The following NUMB variants were observed in gnomAD, a reference collection of about 807,000 sequenced individuals.
NUMB encodes the protein protein numb homolog.
A neutral mutation model predicts 59.7 loss-of-function variants in NUMB; 29 were observed. The ratio of observed to expected loss-of-function variants is 0.49; its 90% CI spans 0.36 to 0.66. NUMB has a LOEUF of 0.66. NUMB is among the 30% of genes least tolerant of loss of function. The probability of loss-of-function intolerance (pLI) is 0.00; values close to 1 mark genes in which losing one functional copy is unlikely to be tolerated. For synonymous variants in NUMB, 288 were observed against 288.2 expected (o/e 1.00, Z 0.01); for missense variants, 723 against 822.0 (o/e 0.88, Z 1.47).
intron 12 of NUMB, among the ~76,000 whole-genome samples, chr14:73,278,788 C>T (rs73306848): frequency 0.26 from 35,635 of 136,714 alleles, 5,188 homozygotes; most frequent in East Asian, 0.69. Flanking sequence ...AGTGCAGTGG[C>T]GCAATCTTGG....
intron 7 of NUMB, among the ~76,000 whole-genome samples, chr14:73,293,204 GGGTTT>G (rs1889512169): frequency 6.6e-6 from 1 of 151,844 alleles, no homozygotes; most frequent in Admixed American, 6.6e-5. Flanking sequence ...AAAATCCTTT[GGGTTT>G]ATTCCCAAAT....
intron 2 of NUMB, among the ~76,000 whole-genome samples, chr14:73,402,573 C>T (rs8008825): frequency 0.058 from 8,879 of 152,270 alleles, 720 homozygotes; most frequent in African/African-American, 0.19. Flanking sequence ...CCAATGTCCA[C>T]ATACCAAACA....
intron 2 of NUMB, among the ~76,000 whole-genome samples, chr14:73,367,322 C>CACACACACATATACAT (rs1555375266): frequency 8.7e-5 from 8 of 92,350 alleles, no homozygotes; most frequent in African/African-American, 3.8e-4. Flanking sequence ...CACACACACA[C>CACACACACATATACAT]ATATATACAT....
At chr14:73,306,763 T>C (rs1890458328) in intron 6 of NUMB, among the ~76,000 whole-genome samples, 1 of 152,250 alleles carries the variant, frequency 6.6e-6, no homozygotes, top group African/African-American at 2.4e-5. Flanking sequence ...TTGGTAACCA[T>C]GTCTTTACCT....
At chr14:73,304,172 C>T (rs1890296113) in intron 6 of NUMB, among the ~76,000 whole-genome samples, 1 of 152,186 alleles carries the variant, frequency 6.6e-6, no homozygotes, top group Non-Finnish European at 1.5e-5. Flanking sequence ...GAAATAGTAA[C>T]AAGCTCAGCA....
intron 4 of NUMB, among the ~76,000 whole-genome samples, chr14:73,352,986 T>TTTATTAAA (rs983363260): frequency 6.6e-6 from 1 of 150,982 alleles, no homozygotes; most frequent in African/African-American, 2.4e-5. Context: ...TCAAAAAATA[T>TTTATTAAA]TTATTAAATA....
chr14:73,322,406 C>T (rs1382101215), intron 5 of NUMB, among the ~76,000 whole-genome samples: 1 of 152,208 alleles, frequency 6.6e-6, no homozygotes, highest in Non-Finnish European at 1.5e-5. Flanking sequence ...TGGGAAAGGG[C>T]TCTCTACTTC....
At chr14:73,426,273 C>T (rs1404296139) in intron 1 of NUMB, among the ~76,000 whole-genome samples, 1 of 152,106 alleles carries the variant, frequency 6.6e-6, no homozygotes, top group African/African-American at 2.4e-5. Context: ...ATGTAAATAC[C>T]TTCCAGGCAT....
chr14:73,455,097 A>T (rs1345734678), intron 1 of NUMB, among the ~76,000 whole-genome samples: 1 of 152,210 alleles, frequency 6.6e-6, no homozygotes, highest in Non-Finnish European at 1.5e-5. Flanking sequence ...CAGTCTTCCA[A>T]ATGAAAATAA....
intron 2 of NUMB, among the ~76,000 whole-genome samples, chr14:73,394,132 T>G (rs1895997564): frequency 6.6e-6 from 1 of 152,050 alleles, no homozygotes; most frequent in Non-Finnish European, 1.5e-5. Flanking sequence ...ATTTTCTATT[T>G]TTAGTAGAGA....
intron 4 of NUMB, among the ~76,000 whole-genome samples, chr14:73,332,196 T>A (rs117997587): frequency 3.3e-5 from 5 of 152,258 alleles, no homozygotes; most frequent in Admixed American, 6.5e-5. Context: ...TTTGTGTAAG[T>A]CCAGTGCCTT....
At position 73,279,383 on chromosome 14, in the gene NUMB, C is replaced by T; in HGVS notation, c.1138G>A (p.Ala380Thr). ...GCTACGGGTGCTAGAGCAGTATGGG[C>T]TGGCTTAGCAAGCACATGGAAGGCT... ...DSAFHVLAKP[A>T]HTALAPVAMP... The change falls in exon 12 of 13, where the codon GCC becomes ACC. Residue 380 changes from alanine to threonine, a missense_variant. Ala to Thr is a moderately conservative substitution (Grantham distance 58). This residue lies in a region of NUMB where 406 missense variants were observed against 385.4 expected (regional missense o/e 1.05). Coordinates refer to ENST00000555238, the MANE Select transcript of NUMB (RefSeq NM_001005743.2). 6.2e-7 allele frequency: 1 copy of T among 1,606,242 alleles called. No individual in the cohort carries two copies. Among genetic ancestry groups the T allele is most frequent in the Non-Finnish European group, 8.5e-7 (1 of 1,176,348 alleles).
intron 6 of NUMB, among the ~76,000 whole-genome samples, chr14:73,310,557 T>C (rs978424760): frequency 6.6e-6 from 1 of 152,228 alleles, no homozygotes; most frequent in Admixed American, 6.5e-5. Flanking sequence ...ATGGGGTAGA[T>C]GAAAGAACTT....
chr14:73,404,873 G>GC (rs1896586682), intron 2 of NUMB, among the ~76,000 whole-genome samples: 2 of 151,524 alleles, frequency 1.3e-5, no homozygotes, highest in Non-Finnish European at 2.9e-5. Flanking sequence ...CAATTCTTAT[G>GC]CCTCAGCCTC....
intron 12 of NUMB, among the ~76,000 whole-genome samples, chr14:73,277,502 GTCAGC>G (rs1213866943): frequency 2.6e-5 from 4 of 152,300 alleles, no homozygotes; most frequent in Non-Finnish European, 4.4e-5. Flanking sequence ...ATGCTGCTGT[GTCAGC>G]CACACTGAAG....
At chr14:73,335,283 T>C (rs1892240801) in intron 4 of NUMB, among the ~76,000 whole-genome samples, 1 of 135,906 alleles carries the variant, frequency 7.4e-6, no homozygotes, top group South Asian at 2.4e-4. Context: ...CATATAGCTA[T>C]TTATGCCAGC....
At chr14:73,449,582 G>A (rs913383152) in intron 1 of NUMB, among the ~76,000 whole-genome samples, 1 of 152,134 alleles carries the variant, frequency 6.6e-6, no homozygotes, top group Non-Finnish European at 1.5e-5. Context: ...AACAGCCTGT[G>A]ACCACACAAC....
chr14:73,396,662 C>A (rs574322185), intron 2 of NUMB, among the ~76,000 whole-genome samples: 1 of 152,040 alleles, frequency 6.6e-6, no homozygotes, highest in African/African-American at 2.4e-5. Context: ...GAGCCACCAG[C>A]CTTTTTAGAA....
chr14:73,441,941 G>A lies in NUMB; in HGVS notation c.-233+16552C>T, dbSNP rs369199244. ...TGTTGGCGACAATGCAGAAAAACTG[G>A]AATTCTCATTCTCACTGCTGGTGAG... On this transcript the variant is annotated intron_variant, in intron 1 of 12. Coordinates refer to ENST00000555238, the MANE Select transcript of NUMB (RefSeq NM_001005743.2). Among the ~76,000 whole-genome samples the A allele has an allele frequency of 3.3e-5, 5 of 152,076 alleles. No homozygotes were observed. The East Asian group carries it at 5.8e-4, about 18-fold the overall frequency.
Sources: allele counts gnomAD v4.1 joint callset (sites outside exome capture counted in the v4.1 genomes callset), GRCh38; gene constraint gnomAD v4.1.1; regional missense constraint gnomAD v4.1.1; transcripts MANE v1.5; gene names NCBI Gene and HGNC (gene_info 2026-07-23, HGNC 2026-07-21).